The following LANCL2 variants were observed in gnomAD, a reference collection of about 807,000 sequenced individuals.
LANCL2 encodes the protein LanC like glutathione S-transferase 2.
LANCL2 carries 33 observed loss-of-function variants against 56.9 expected under a neutral mutation model. The ratio of observed to expected loss-of-function variants is 0.58; its 90% CI spans 0.44 to 0.78. The LOEUF is 0.78. LANCL2 is among the 30% of genes least tolerant of loss of function. The pLI, the probability that LANCL2 is intolerant of heterozygous loss-of-function variation, is 0.00. For synonymous variants in LANCL2, 233 were observed against 228.2 expected (o/e 1.02, Z -0.19); for missense variants, 562 against 580.2 (o/e 0.97, Z 0.32).
intron 1 of LANCL2, among the ~76,000 whole-genome samples, chr7:55,378,810 C>G (rs1790032254): frequency 6.6e-6 from 1 of 152,180 alleles, no homozygotes; most frequent in East Asian, 1.9e-4. Context: ...TTAAAGGGAA[C>G]TGGAGGAAGC....
intron 1 of LANCL2, among the ~76,000 whole-genome samples, chr7:55,372,809 C>T (rs1447098627): frequency 6.6e-6 from 1 of 152,078 alleles, no homozygotes; most frequent in African/African-American, 2.4e-5. Context: ...TTATTGTCTC[C>T]TTTTTTTCCT....
chr7:55,430,005 T>G (rs906565287), intron 8 of LANCL2, among the ~76,000 whole-genome samples: 4 of 152,194 alleles, frequency 2.6e-5, no homozygotes, highest in Non-Finnish European at 5.9e-5. Context: ...TGGCACCCCT[T>G]CTGGAGGAGC....
At position 55,431,243 on chromosome 7, in the gene LANCL2, C is replaced by T. The variant is rs1364121760; in HGVS notation, c.1276C>T (p.His426Tyr). 1.2e-6 allele frequency: 2 copies of T among 1,613,380 alleles called. No homozygotes were observed. The highest frequency in any genetic ancestry group is 2.2e-5 in the South Asian group (2 of 90,954). ...SLFEGMAGAI[H>Y]FLSDVLGPET... The stretch of plus-strand genomic sequence containing the variant: ...CATTGCAGGCATGGCTGGCGCTATT[C>T]ACTTTCTCTCTGATGTCCTGGGACC... Residue 426 changes from histidine (H) to tyrosine (Y), a missense_variant, in exon 9 of 9, where the codon CAC (histidine) becomes TAC (tyrosine). Physicochemically the swap from His to Tyr is moderately conservative, Grantham distance 83. This residue lies in a region of LANCL2 where 378 missense variants were observed against 468.4 expected (regional missense o/e 0.81). Transcript: ENST00000254770.
At chr7:55,370,700 T>G (rs1789933602) in intron 1 of LANCL2, among the ~76,000 whole-genome samples, 1 of 152,196 alleles carries the variant, frequency 6.6e-6, no homozygotes, top group African/African-American at 2.4e-5. Flanking sequence ...CTTGAAAGAT[T>G]AAGTGGGGGT....
At chr7:55,415,968 G>T (rs1030287710) in intron 6 of LANCL2, among the ~76,000 whole-genome samples, 1 of 152,010 alleles carries the variant, frequency 6.6e-6, no homozygotes, top group African/African-American at 2.4e-5. Flanking sequence ...GGAACAAGCT[G>T]CTATGAACAT....
At chr7:55,391,361 A>T (rs983636655) in intron 1 of LANCL2, among the ~76,000 whole-genome samples, 2 of 152,064 alleles carry the variant, frequency 1.3e-5, no homozygotes, top group African/African-American at 4.8e-5. Context: ...TTTCTTTTGT[A>T]TGAAGATGTT....
chr7:55,402,222 G>A (rs1192028139), intron 5 of LANCL2, among the ~76,000 whole-genome samples: 451 of 106,608 alleles, frequency 4.2e-3, no homozygotes, highest in East Asian at 0.025. Context: ...CTCACCTCCC[G>A]GACGGGGCGG....
intron 5 of LANCL2, 128 bp from the exon 6 acceptor site, chr7:55,411,779 T>C (rs1304635458): frequency 1.0e-5 from 9 of 903,258 alleles, no homozygotes; most frequent in Non-Finnish European, 1.5e-5. Flanking sequence ...AACCAGATAG[T>C]TGAATGAATT....
At chr7:55,428,987 G>T (rs949319089) in intron 8 of LANCL2, among the ~76,000 whole-genome samples, 2 of 152,208 alleles carry the variant, frequency 1.3e-5, no homozygotes, top group African/African-American at 4.8e-5. Flanking sequence ...GGGAAGACAG[G>T]AGCACAAACA....
intron 2 of LANCL2, among the ~76,000 whole-genome samples, chr7:55,395,224 C>G (rs1790236792): frequency 6.6e-6 from 1 of 151,810 alleles, no homozygotes; most frequent in Admixed American, 6.6e-5. Flanking sequence ...ATTATTTTAT[C>G]CATAATATAA....
chr7:55,392,355 GTC>G (rs1790201783), intron 2 of LANCL2, among the ~76,000 whole-genome samples: 1 of 145,164 alleles, frequency 6.9e-6, no homozygotes. Context: ...TTGAGACGGA[GTC>G]TCTGTTGCCT....
chr7:55,420,651 C>G (rs1318926553), intron 6 of LANCL2, among the ~76,000 whole-genome samples: 1 of 152,222 alleles, frequency 6.6e-6, no homozygotes, highest in Admixed American at 6.5e-5. Context: ...GTGGTCCATG[C>G]AGTTTCTGCA....
intron 5 of LANCL2, among the ~76,000 whole-genome samples, chr7:55,407,838 ACTT>A (rs1416943994): frequency 6.6e-6 from 1 of 152,190 alleles, no homozygotes. Flanking sequence ...CCGTTGGTCT[ACTT>A]CTTTGGAGAC....
chr7:55,405,957 CA>C (rs1554383282), intron 5 of LANCL2, among the ~76,000 whole-genome samples: 3 of 152,134 alleles, frequency 2.0e-5, no homozygotes, highest in Non-Finnish European at 4.4e-5. Context: ...TGGCTGTTGT[CA>C]GTGCAGAACT....
In LANCL2 at chr7:55,419,645, G is replaced by T. The variant is rs139740341; in HGVS notation, c.1009-5609G>T. Among the ~76,000 whole-genome samples, 844 of 152,018 alleles carry T rather than the reference G, an allele frequency of 5.6e-3. 6 individuals carry two copies. The highest frequency in any genetic ancestry group is 0.018 in the African/African-American group (740 of 41,464). On this transcript the variant is annotated intron_variant, in intron 6 of 8. Transcript: ENST00000254770. ...TCGAACTCCTGACCTCAGGTGATCC[G>T]CCTGCTTCGGCCTCCCAAAGTGCTG... is the stretch of plus-strand genomic sequence containing the variant.
chr7:55,380,529 T>G (rs1790054841), intron 1 of LANCL2, among the ~76,000 whole-genome samples: 1 of 152,140 alleles, frequency 6.6e-6, no homozygotes, highest in African/African-American at 2.4e-5. Flanking sequence ...GTATATAATA[T>G]AAAAAGCAAC....
intron 6 of LANCL2, among the ~76,000 whole-genome samples, chr7:55,422,217 GACA>G (rs1790616459): frequency 6.6e-6 from 1 of 152,146 alleles, no homozygotes. Flanking sequence ...TAGGTTTAGT[GACA>G]ACAAATTGAT....
chr7:55,407,271 C>T (rs779326316), intron 5 of LANCL2, among the ~76,000 whole-genome samples: 4 of 152,136 alleles, frequency 2.6e-5, no homozygotes, highest in Non-Finnish European at 4.4e-5. Context: ...AGTGAGTGTC[C>T]ATGGTCCAGG....
At chr7:55,417,087 G>C (rs1562868603) in intron 6 of LANCL2, among the ~76,000 whole-genome samples, 1 of 140,936 alleles carries the variant, frequency 7.1e-6, no homozygotes, top group Non-Finnish European at 1.5e-5. Context: ...TCACACCATT[G>C]TCCTGCTTCA....
Sources: gnomAD v4.1 joint callset for allele counts (sites outside exome capture counted in the v4.1 genomes callset) on GRCh38, gnomAD v4.1.1 for gene constraint, gnomAD v4.1.1 regional missense constraint, MANE v1.5 for transcripts, NCBI Gene and HGNC (gene_info 2026-07-23, HGNC 2026-07-21) for gene names.